Variants in MARCHF1 observed in about 807,000 individuals in gnomAD.
MARCHF1 encodes the protein membrane associated ring-CH-type finger 1.
MARCHF1 carries 40 observed loss-of-function variants against 54.2 expected under a neutral mutation model. That is an observed-to-expected ratio of 0.74 (90% confidence interval 0.57 to 0.96). The LOEUF (loss-of-function observed/expected upper bound fraction) is 0.96. Ranked by LOEUF, MARCHF1 falls within the 40% of genes least tolerant of loss-of-function variation. MARCHF1 has a pLI of 0.00. For missense variants in MARCHF1, 586 were observed against 656.5 expected (o/e 0.89, Z 1.17); for synonymous variants, 236 against 236.3 (o/e 1.00, Z 0.01).
At chr4:164,374,931 G>A (rs1312095544) in intron 1 of MARCHF1, among the ~76,000 whole-genome samples, 2 of 152,102 alleles carry the variant, frequency 1.3e-5, no homozygotes, top group African/African-American at 4.8e-5. Context: ...TATATATTAT[G>A]CTAAATATTA....
chr4:163,865,340 C>A (rs956769160), intron 3 of MARCHF1, among the ~76,000 whole-genome samples: 1 of 151,806 alleles, frequency 6.6e-6, no homozygotes, highest in African/African-American at 2.4e-5. Context: ...ATACTTGACA[C>A]AACAGTAAGT....
intron 1 of MARCHF1, among the ~76,000 whole-genome samples, chr4:164,371,622 T>C (rs1342500295): frequency 6.6e-6 from 1 of 152,116 alleles, no homozygotes; most frequent in Admixed American, 6.5e-5. Context: ...AAGTGAAGTC[T>C]TATATACATG....
chr4:164,220,774 T>A (rs1408847255), intron 1 of MARCHF1, among the ~76,000 whole-genome samples: 7 of 145,550 alleles, frequency 4.8e-5, no homozygotes, highest in Admixed American at 4.2e-4. Flanking sequence ...ATGATATATT[T>A]TTTTTTGGAA....
intron 1 of MARCHF1, among the ~76,000 whole-genome samples, chr4:164,310,030 A>G (rs1734805813): frequency 6.6e-6 from 1 of 151,840 alleles, no homozygotes; most frequent in African/African-American, 2.4e-5. Flanking sequence ...GAAAGTGTAT[A>G]TATTTATGGG....
At chr4:164,281,025 C>G (rs921581393) in intron 1 of MARCHF1, among the ~76,000 whole-genome samples, 2 of 152,044 alleles carry the variant, frequency 1.3e-5, no homozygotes, top group African/African-American at 4.8e-5. Flanking sequence ...GAAAAAATCC[C>G]ACATTGTTTA....
chr4:164,332,296 G>T (rs1729563651), intron 1 of MARCHF1, among the ~76,000 whole-genome samples: 1 of 152,132 alleles, frequency 6.6e-6, no homozygotes, highest in Admixed American at 6.5e-5. Context: ...GCCAGAGCCT[G>T]TTATTAAAAA....
intron 3 of MARCHF1, among the ~76,000 whole-genome samples, chr4:163,974,176 C>G (rs1752604724): frequency 6.6e-6 from 1 of 152,134 alleles, no homozygotes; most frequent in Non-Finnish European, 1.5e-5. Flanking sequence ...TCTGTGACCC[C>G]TAATTTTGAA....
chr4:164,251,624 G>A (rs1030523967), intron 1 of MARCHF1, among the ~76,000 whole-genome samples: 2 of 152,126 alleles, frequency 1.3e-5, no homozygotes, highest in African/African-American at 4.8e-5. Flanking sequence ...AAATTACTTC[G>A]TGTATTGATA....
intron 1 of MARCHF1, chr4:164,189,143 A>T: frequency 1.6e-6 from 1 of 612,538 alleles, no homozygotes; most frequent in Non-Finnish European, 3.0e-6. Context: ...CTGCGTGCAG[A>T]AGACTATGAC....
At chr4:164,202,544 C>A (rs1014974458) in intron 1 of MARCHF1, among the ~76,000 whole-genome samples, 3 of 152,014 alleles carry the variant, frequency 2.0e-5, no homozygotes, top group African/African-American at 4.8e-5. Context: ...CCTTATCAGG[C>A]AGATTTTGTT....
chr4:163,715,476 A>G (rs1462625204), intron 4 of MARCHF1, among the ~76,000 whole-genome samples: 1 of 152,190 alleles, frequency 6.6e-6, no homozygotes, highest in Admixed American at 6.5e-5. Context: ...CTGAACTTCT[A>G]GTATTGTAAG....
intron 3 of MARCHF1, among the ~76,000 whole-genome samples, chr4:163,894,920 T>C (rs1211334034): frequency 2.1e-5 from 1 of 47,582 alleles, no homozygotes; most frequent in Admixed American, 3.0e-4. Context: ...TATATATATA[T>C]GCATGTGATG....
At chr4:164,174,524 A>G (rs1730612227) in intron 1 of MARCHF1, among the ~76,000 whole-genome samples, 1 of 152,204 alleles carries the variant, frequency 6.6e-6, no homozygotes, top group African/African-American at 2.4e-5. Context: ...GAGGAGTGGT[A>G]CGAGATTAGG....
chr4:164,278,497 C>T lies in MARCHF1; in HGVS notation c.-323+105373G>A, dbSNP rs1733942742. 2.6e-5 allele frequency among the ~76,000 whole-genome samples: 4 copies of T among 152,144 alleles called. No individual in the cohort carries two copies. The South Asian group carries it at 8.3e-4, about 31-fold the overall frequency. Reference sequence around the variant, plus strand: ...CAAACATAAACCCATTAATCAAATACTAAAGTAATTTCTAAGTTAAATGGT... The same window carrying T: ...CAAACATAAACCCATTAATCAAATATTAAAGTAATTTCTAAGTTAAATGGT... On this transcript the variant is annotated intron_variant, in intron 1 of 9. Coordinates refer to ENST00000514618, the MANE Select transcript of MARCHF1 (RefSeq NM_001394959.1).
At chr4:163,778,941 G>A (rs1747384419) in intron 4 of MARCHF1, among the ~76,000 whole-genome samples, 1 of 152,060 alleles carries the variant, frequency 6.6e-6, no homozygotes, top group African/African-American at 2.4e-5. Context: ...TGAAATTTGT[G>A]CAAGCAACGA....
intron 1 of MARCHF1, among the ~76,000 whole-genome samples, chr4:164,117,460 C>T (rs1449059021): frequency 6.6e-6 from 1 of 151,878 alleles, no homozygotes; most frequent in Non-Finnish European, 1.5e-5. Flanking sequence ...TTCTGCATTT[C>T]TAGTAAGTAC....
At position 163,988,186 on chromosome 4, in the gene MARCHF1, A is replaced by C. The variant is rs965413003; in HGVS notation, c.-39+315T>G. Among the ~76,000 whole-genome samples, 11 of 152,318 alleles carry C rather than the reference A, an allele frequency of 7.2e-5. No homozygotes were observed. In the East Asian group the frequency reaches 2.1e-3, roughly 29 times the overall value. ...CCACAGCAATGTCCAGAGCCAACCC[A>C]AAACAGCCGGTTGTAACCCACAAGC... On this transcript the variant is annotated intron_variant, in intron 3 of 9. Coordinates refer to ENST00000514618, the MANE Select transcript of MARCHF1 (RefSeq NM_001394959.1).
At chr4:164,169,135 C>A (rs928584431) in intron 1 of MARCHF1, among the ~76,000 whole-genome samples, 1 of 152,058 alleles carries the variant, frequency 6.6e-6, no homozygotes, top group African/African-American at 2.4e-5. Flanking sequence ...TAGATATGTT[C>A]ATCTGCTTCA....
intron 1 of MARCHF1, among the ~76,000 whole-genome samples, chr4:164,222,441 C>T (rs1732141725): frequency 6.6e-6 from 1 of 151,906 alleles, no homozygotes; most frequent in African/African-American, 2.4e-5. Context: ...CAGCCTGGAT[C>T]TAAGTAAAAT....
Sources: allele counts gnomAD v4.1 joint callset (sites outside exome capture counted in the v4.1 genomes callset), GRCh38; gene constraint gnomAD v4.1.1; transcripts MANE v1.5; gene names NCBI Gene and HGNC (gene_info 2026-07-23, HGNC 2026-07-21).